Variants in PPARGC1B observed in about 807,000 individuals in gnomAD.
The protein encoded by PPARGC1B is PPARG coactivator 1 beta, also known as peroxisome proliferator-activated receptor gamma coactivator 1-beta.
PPARGC1B carries 34 observed loss-of-function variants against 101.6 expected under a neutral mutation model. The observed-to-expected ratio is 0.33, with a 90% CI of 0.25 to 0.45. The LOEUF is 0.45. Among genes scored for constraint, PPARGC1B ranks in the 20% least tolerant of loss-of-function variants. The pLI is 1.00. For synonymous variants in PPARGC1B, 548 were observed against 539.3 expected (o/e 1.02, Z -0.22); for missense variants, 1,234 against 1,317.6 (o/e 0.94, Z 0.98).
chr5:149,836,451 T>G lies in PPARGC1B; in HGVS notation c.1996T>G (p.Ser666Ala). 6.2e-7 allele frequency: 1 copy of G among 1,614,038 alleles called. No individual in the cohort carries two copies. The highest frequency in any genetic ancestry group is 8.5e-7 in the Non-Finnish European group (1 of 1,180,028). Residue 666 changes from serine to alanine, a missense_variant, in exon 8 of 12, where the codon TCC (serine) becomes GCC (alanine). This residue lies in a region of PPARGC1B where 497 missense variants were observed against 529.5 expected (regional missense o/e 0.94). Coordinates refer to ENST00000309241, the MANE Select transcript of PPARGC1B (RefSeq NM_133263.4). The stretch of plus-strand genomic sequence containing the variant: ...GCACCCAGAGCGAAGTGAGCTCCTG[T>G]CCCACCTGCGACATGCCACAGCCCA... ...KKHPERSELL[S>A]HLRHATAQPA...
chr5:149,768,071 C>T (rs1212913043), intron 1 of PPARGC1B, among the ~76,000 whole-genome samples: 3 of 151,702 alleles, frequency 2.0e-5, no homozygotes, highest in South Asian at 2.1e-4. Flanking sequence ...CAGTCTCCTC[C>T]GTAATCTTGT....
chr5:149,808,932 C>CTG (rs1757698582), intron 1 of PPARGC1B, among the ~76,000 whole-genome samples: 1 of 152,034 alleles, frequency 6.6e-6, no homozygotes, highest in African/African-American at 2.4e-5. Context: ...GTGGTGATGG[C>CTG]TGCATAGCAA....
At chr5:149,744,138 C>T (rs1450167846) in intron 1 of PPARGC1B, among the ~76,000 whole-genome samples, 1 of 152,194 alleles carries the variant, frequency 6.6e-6, no homozygotes, top group Non-Finnish European at 1.5e-5. Context: ...CCACAGTGCC[C>T]AGCCCAAGAA....
At chr5:149,775,412 G>T (rs1224526828) in intron 1 of PPARGC1B, among the ~76,000 whole-genome samples, 5 of 152,140 alleles carry the variant, frequency 3.3e-5, no homozygotes, top group Admixed American at 3.3e-4. Flanking sequence ...CTGCCGCCCA[G>T]GTTGCTTGGA....
At chr5:149,731,065 T>G (rs1314123030) in intron 1 of PPARGC1B, among the ~76,000 whole-genome samples, 1 of 152,030 alleles carries the variant, frequency 6.6e-6, no homozygotes, top group Non-Finnish European at 1.5e-5. Context: ...CCAGGCTGGA[T>G]GGGGGCGGAA....
Position 149,833,381 on chromosome 5 carries a change from AGAG to A in PPARGC1B, c.1317_1319del (p.Glu444del), listed in dbSNP as rs534421779. ...AGCAGGAGGAGGAAGACGAGGAAGA[AGAG>A]GAGGAGGAAGAGGAAGAAGAAAAAG... is the stretch of plus-strand genomic sequence containing the variant. On this transcript the variant is annotated inframe_deletion, in exon 5 of 12. Transcript: ENST00000309241. The surrounding 1 kb of genome is among the most constrained non-coding windows in gnomAD (Gnocchi z 4.1). The A allele has an allele frequency of 3.7e-6, 6 of 1,613,150 alleles. No individual in the cohort carries two copies. The highest frequency in any genetic ancestry group is 1.7e-5 in the Admixed American group (1 of 59,916).
At chr5:149,750,453 AATATATATAT>A (rs55971526) in intron 1 of PPARGC1B, among the ~76,000 whole-genome samples, 36,949 of 122,928 alleles carry the variant, frequency 0.3, 6,065 homozygotes, top group Non-Finnish European at 0.34. Context: ...TTTTAGTTAA[AATATATATAT>A]ATATATATAT....
At chr5:149,825,369 C>A (rs1758476522) in intron 2 of PPARGC1B, among the ~76,000 whole-genome samples, 2 of 152,380 alleles carry the variant, frequency 1.3e-5, no homozygotes, top group Admixed American at 6.5e-5. Context: ...GGCGAGGTTG[C>A]TGTGAGGCCT....
At chr5:149,769,537 C>T (rs145985662) in intron 1 of PPARGC1B, among the ~76,000 whole-genome samples, 2 of 152,310 alleles carry the variant, frequency 1.3e-5, no homozygotes, top group African/African-American at 4.8e-5. Context: ...CCCTACTCCC[C>T]GGCCATGCCC....
intron 1 of PPARGC1B, chr5:149,772,118 A>G (rs1756154238): frequency 6.3e-7 from 1 of 1,595,270 alleles, no homozygotes; most frequent in Non-Finnish European, 8.5e-7. Flanking sequence ...GGACCCTTGG[A>G]GGAGCCGCCA....
intron 10 of PPARGC1B, among the ~76,000 whole-genome samples, chr5:149,843,210 G>A (rs745451678): frequency 2.6e-5 from 4 of 152,076 alleles, no homozygotes; most frequent in South Asian, 2.1e-4. Flanking sequence ...CTGGTTTTTC[G>A]TCACTTACCT....
chr5:149,755,981 A>G (rs530799726), intron 1 of PPARGC1B, among the ~76,000 whole-genome samples: 1 of 152,156 alleles, frequency 6.6e-6, no homozygotes, highest in Non-Finnish European at 1.5e-5. Context: ...TGCAGGAGGC[A>G]CAGCGGCAGC....
chr5:149,842,780 C>T (rs1461327515), intron 10 of PPARGC1B, among the ~76,000 whole-genome samples: 3 of 152,236 alleles, frequency 2.0e-5, no homozygotes, highest in Admixed American at 6.5e-5. Context: ...TGCGGGGCAG[C>T]AGCCCCTGGC....
At chr5:149,765,860 C>CAT (rs1491489569) in intron 1 of PPARGC1B, among the ~76,000 whole-genome samples, 1 of 88,836 alleles carries the variant, frequency 1.1e-5, no homozygotes. Flanking sequence ...GACTCCGTCT[C>CAT]AAAAAAAAAA....
rs1205681030 is a variant in PPARGC1B at position 149,837,348 on chromosome 5, T to C, written c.2618+275T>C. 6.6e-6 allele frequency among the ~76,000 whole-genome samples: 1 copy of C among 152,236 alleles called. No individual in the cohort carries two copies. The highest frequency in any genetic ancestry group is 1.9e-4 in the East Asian group (1 of 5,198). On this transcript the variant is annotated intron_variant, in intron 8 of 11. Coordinates refer to ENST00000309241, the MANE Select transcript of PPARGC1B (RefSeq NM_133263.4). This position sits in a 1 kb window ranked among gnomAD's most constrained non-coding sequence, Gnocchi z 4.2. ...AGAAAGAAAACCCACTCCTGGCTAT[T>C]TGTGGGCTTACGTCTATAAAGGAAC...
chr5:149,814,790 G>C (rs957165861), intron 1 of PPARGC1B, among the ~76,000 whole-genome samples: 2 of 152,184 alleles, frequency 1.3e-5, no homozygotes, highest in African/African-American at 4.8e-5. Context: ...TTAATCCACG[G>C]CCAGGGTTAT....
intron 2 of PPARGC1B, among the ~76,000 whole-genome samples, 158 bp downstream of exon 2, chr5:149,820,764 GC>G (rs1471270883): frequency 3.3e-5 from 5 of 152,140 alleles, no homozygotes; most frequent in African/African-American, 9.7e-5. Flanking sequence ...TGCTGGATGG[GC>G]CCCTGATCTG....
At chr5:149,733,481 A>G (rs1185264720) in intron 1 of PPARGC1B, among the ~76,000 whole-genome samples, 2 of 152,174 alleles carry the variant, frequency 1.3e-5, no homozygotes, top group African/African-American at 4.8e-5. Flanking sequence ...TCTGTGTGAT[A>G]CAACCAAGCA....
chr5:149,832,878 G>C lies in PPARGC1B; in HGVS notation c.805G>C (p.Ala269Pro). The change falls in exon 5 of 12, where the codon GCT (alanine) becomes CCT (proline). Residue 269 changes from alanine (A) to proline (P), a missense_variant. By Grantham distance (27) the Ala-to-Pro change is conservative (BLOSUM62 -1). This residue lies in a region of PPARGC1B where 734 missense variants were observed against 768.4 expected (regional missense o/e 0.96). Coordinates refer to ENST00000309241, the MANE Select transcript of PPARGC1B (RefSeq NM_133263.4). The surrounding 1 kb of genome is among the most constrained non-coding windows in gnomAD (Gnocchi z 4.9). ...PAPASPRDSLALGRADPGAPV... is the reference protein window; with the variant it reads ...PAPASPRDSLPLGRADPGAPV... ...TCCAGCCTCTCCCCGGGACTCCCTA[G>C]CTCTGGGCAGGGCAGACCCCGGTGC... 1 of 1,612,784 alleles carries C rather than the reference G, an allele frequency of 6.2e-7. No homozygotes were observed. The highest frequency in any genetic ancestry group is 8.5e-7 in the Non-Finnish European group (1 of 1,179,772).
Sources: allele counts gnomAD v4.1 joint callset (sites outside exome capture counted in the v4.1 genomes callset), GRCh38; gene constraint gnomAD v4.1.1; regional missense constraint gnomAD v4.1.1; non-coding constraint Gnocchi (gnomAD v3.1); transcripts MANE v1.5; gene names NCBI Gene and HGNC (gene_info 2026-07-23, HGNC 2026-07-21).